The following ITGA7 variants were observed in gnomAD, a reference collection of about 807,000 sequenced individuals.
The protein encoded by ITGA7 is integrin alpha-7.
In ITGA7, 84 loss-of-function variants were observed where a neutral mutation model predicts 131.6. That is an observed-to-expected ratio of 0.64 (90% CI 0.54 to 0.77). ITGA7 has a LOEUF of 0.77. Ranked by LOEUF, ITGA7 falls within the 30% of genes least tolerant of loss-of-function variation. The pLI is 0.00. For synonymous variants in ITGA7, 548 were observed against 600.7 expected, an observed-to-expected ratio of 0.91 and a Z score of 1.28; for missense variants, 1,399 against 1,482.9, an observed-to-expected ratio of 0.94 and a Z score of 0.93.
chr12:55,696,506 C>A, intron 12 of ITGA7, 74 bp from the exon 13 acceptor site: 1 of 1,486,552 alleles, frequency 6.7e-7, no homozygotes, highest in South Asian at 1.2e-5. Flanking sequence ...CCAGCCAGAC[C>A]TAGGACCAAT....
intron 22 of ITGA7, 22 bp from the exon 23 acceptor site, chr12:55,688,322 C>A (rs532963819): frequency 6.4e-7 from 1 of 1,551,516 alleles, no homozygotes; most frequent in Non-Finnish European, 8.9e-7. Flanking sequence ...GGGAAGGAGA[C>A]CCTTCTCCTA....
rs765848073 is a variant in ITGA7, at chr12:55,688,022, A to C, written c.3132T>G (p.Ala1044=). ...CTAGCACCAGCAGCCCAGCCAGTAC[A>C]GCCAGGAGGATGACCCACCAGGGCA... ...EGVPWWVILL[A]VLAGLLVLAL... The change falls in exon 24 of 25, where the codon GCT becomes GCG. Residue 1044 remains alanine, a synonymous_variant. Transcript: ENST00000257879. 6.8e-6 allele frequency: 11 copies of C among 1,614,050 alleles called. No individual in the cohort carries two copies. The highest frequency in any genetic ancestry group is 1.7e-6 in the Non-Finnish European group (2 of 1,180,022).
At chr12:55,695,101 C>A (rs527900359) in intron 14 of ITGA7, 131 bp from the exon 15 acceptor site, 16 of 876,988 alleles carry the variant, frequency 1.8e-5, no homozygotes, top group African/African-American at 1.6e-4. Flanking sequence ...CCATCACACC[C>A]GTCCAAGCCT....
chr12:55,700,510 C>A (rs1422084535), intron 4 of ITGA7: 3 of 1,268,642 alleles, frequency 2.4e-6, no homozygotes, highest in African/African-American at 1.5e-5. Context: ...GCCCTCTCCC[C>A]ACCCTGTCCC....
In ITGA7 at chr12:55,707,599, G is replaced by A. The variant is rs1410264740; in HGVS notation, c.84C>T (p.Phe28=). The change falls in exon 1 of 25, where the codon TTC becomes TTT. Residue 28 remains phenylalanine, a synonymous_variant. Coordinates refer to ENST00000257879, the MANE Select transcript of ITGA7 (RefSeq NM_002206.3). ...CCAGATTGAAGGCGACAGCCCGTGA[G>A]AAGAGCAGTTCGACGAGCAGGGAGC... ...LFGSLLVELL[F]SRAVAFNLDV... is the part of the protein sequence containing the mutation. The A allele has an allele frequency of 2.5e-6, 4 of 1,613,574 alleles. No individual in the cohort carries two copies. Among genetic ancestry groups the A allele is most frequent in the Non-Finnish European group, 3.4e-6 (4 of 1,179,776 alleles).
upstream of ITGA7, chr12:55,715,785 G>A: frequency 5.2e-6 from 2 of 387,352 alleles, 1 homozygote; most frequent in South Asian, 8.4e-5. Flanking sequence ...ATGAGGCCAG[G>A]GAGCTTCTGC....
chr12:55,712,865 G>T (rs1001032535), upstream of ITGA7, among the ~76,000 whole-genome samples: 1 of 152,160 alleles, frequency 6.6e-6, no homozygotes, highest in African/African-American at 2.4e-5. Flanking sequence ...CCAGTGTGTG[G>T]GAGAGAAGGG....
chr12:55,691,025 C>T (rs1184627706), intron 21 of ITGA7, among the ~76,000 whole-genome samples: 29 of 151,462 alleles, frequency 1.9e-4, no homozygotes, highest in Non-Finnish European at 2.9e-4. Flanking sequence ...TGCTAAATGA[C>T]GAGTTAATGG....
rs145287267 is a variant in ITGA7 at position 55,694,858 on chromosome 12, C to T, written c.2116G>A (p.Asp706Asn). The T allele has an allele frequency of 2.4e-5, 38 of 1,613,966 alleles. 1 individual carries two copies. Among genetic ancestry groups the T allele is most frequent in the Non-Finnish European group, 2.6e-5 (31 of 1,180,012 alleles). ...AGGAGCTGGGCTTCATGGGCATCAT[C>T]CCCATCAGCCTGGGGCTGGGCTGGG... ...SDPAQPQADG[D>N]DAHEAQLLVM... Residue 706 changes from aspartate to asparagine, a missense_variant, in exon 15 of 25, where the codon GAT (aspartate) becomes AAT (asparagine). Coordinates refer to ENST00000257879, the MANE Select transcript of ITGA7 (RefSeq NM_002206.3). This position sits in a 1 kb window ranked among gnomAD's most constrained non-coding sequence, Gnocchi z 5.3.
rs538208857 is a variant in ITGA7 at position 55,700,595 on chromosome 12, C to T, written c.670+304G>A. 31 of 657,686 alleles carry T rather than the reference C, an allele frequency of 4.7e-5. No individual in the cohort carries two copies. The East Asian group carries it at 7.1e-4, about 15-fold the overall frequency. 40.7% of individuals were successfully genotyped at this position (657,686 alleles called of 1,614,324 possible). On this transcript the variant is annotated intron_variant, in intron 4 of 24. Coordinates refer to ENST00000257879, the MANE Select transcript of ITGA7 (RefSeq NM_002206.3). The stretch of plus-strand genomic sequence containing the variant: ...TGTCAGCTCAGCCAGCAGCAGCGTG[C>T]GGAGACGGGAATGGCAGTGATGAGG...
chr12:55,688,763 G>T, intron 22 of ITGA7, 81 bp downstream of exon 22: 4 of 1,027,098 alleles, frequency 3.9e-6, no homozygotes, highest in Non-Finnish European at 6.2e-6. Flanking sequence ...TTTGGACAGT[G>T]AGGAAGGAGG....
intron 5 of ITGA7, among the ~76,000 whole-genome samples, chr12:55,699,236 A>T (rs148679695): frequency 2.0e-5 from 3 of 152,310 alleles, no homozygotes; most frequent in Admixed American, 6.5e-5. Flanking sequence ...GATGGCTGAG[A>T]AGGCCAGGAG....
Position 55,694,623 on chromosome 12 carries a change from C to T in ITGA7, c.2269G>A (p.Gly757Ser), listed in dbSNP as rs142143029. The change falls in exon 16 of 25, where the codon GGT becomes AGT. Residue 757 changes from glycine to serine, a missense_variant. Gly to Ser is a moderately conservative substitution (Grantham distance 56). Transcript: ENST00000257879. The surrounding 1 kb of genome is among the most constrained non-coding windows in gnomAD (Gnocchi z 5.3). ...ECELGNPMKRGAQVTFYLILS... is the reference protein window; with the variant it reads ...ECELGNPMKRSAQVTFYLILS... ...AGGGCAGATGTGCCAACCTGGGCAC[C>T]TCTCTTCATGGGGTTCCCCAGCTCA... is the stretch of plus-strand genomic sequence containing the variant. 21 of 1,614,098 alleles carry T rather than the reference C, an allele frequency of 1.3e-5. No homozygotes were observed. In the African/African-American group the frequency reaches 2.7e-4, roughly 20 times the overall value.
At chr12:55,685,894 C>T (rs1869999721) in intron 24 of ITGA7, among the ~76,000 whole-genome samples, 1 of 152,212 alleles carries the variant, frequency 6.6e-6, no homozygotes, top group African/African-American at 2.4e-5. Context: ...GCTCAGACTG[C>T]ATGGCATCTC....
Position 55,707,476 on chromosome 12 carries a change from C to G in ITGA7, c.206+1G>C, listed in dbSNP as rs1430147337. The G allele has an allele frequency of 8.7e-6, 14 of 1,612,572 alleles. No individual in the cohort carries two copies. The highest frequency in any genetic ancestry group is 1.3e-5 in the African/African-American group (1 of 74,860). ...GACTCTGGGCGGGTGCGGTGACTCA[C>G]CAGCTCTGGGGTCGGGGCTGCAACT... On this transcript the variant is annotated splice_donor_variant, in intron 1 of 24. Transcript: ENST00000257879. LOFTEE classifies it high-confidence loss of function.
At chr12:55,688,429 G>A (rs1870717627) in intron 22 of ITGA7, 129 bp from the exon 23 acceptor site, 1 of 800,670 alleles carries the variant, frequency 1.2e-6, no homozygotes, top group Admixed American at 2.0e-5. Flanking sequence ...TGGGTTAAGA[G>A]TATGCTGCGT....
chr12:55,715,852 T>C (rs923339472), upstream of ITGA7: 29 of 633,902 alleles, frequency 4.6e-5, no homozygotes, highest in Non-Finnish European at 6.7e-5. Context: ...AAGCCTGAGA[T>C]CCACAGGAAA....
chr12:55,693,552 G>C (rs1011557983), intron 19 of ITGA7, among the ~76,000 whole-genome samples: 10 of 151,908 alleles, frequency 6.6e-5, no homozygotes, highest in Admixed American at 2.6e-4. Context: ...GAAGGAACAA[G>C]GGCTGAAGAG....
upstream of ITGA7, among the ~76,000 whole-genome samples, chr12:55,714,935 A>T (rs1876408425): frequency 7.3e-6 from 1 of 137,410 alleles, no homozygotes; most frequent in Admixed American, 8.1e-5. Context: ...ATCTCGGCTC[A>T]CTGCAACCTC....
Sources: gnomAD v4.1 joint callset for allele counts (sites outside exome capture counted in the v4.1 genomes callset) on GRCh38, gnomAD v4.1.1 for gene constraint, Gnocchi (gnomAD v3.1) non-coding constraint, MANE v1.5 for transcripts, NCBI Gene and HGNC (gene_info 2026-07-23, HGNC 2026-07-21) for gene names.